Variants in UTP20 observed in about 807,000 individuals in gnomAD.
The protein encoded by UTP20 is small subunit processome component 20 homolog.
A neutral mutation model predicts 329.5 loss-of-function variants in UTP20; 164 were observed. That is an observed-to-expected ratio of 0.50 (90% CI 0.44 to 0.57). The LOEUF (loss-of-function observed/expected upper bound fraction) is 0.57. Ranked by LOEUF, UTP20 falls within the 20% of genes least tolerant of loss-of-function variation. The probability of loss-of-function intolerance (pLI) is 0.00; values close to 1 mark genes in which losing one functional copy is unlikely to be tolerated. For missense variants in UTP20, 3,055 were observed against 3,284.2 expected (o/e 0.93, Z 1.71); for synonymous variants, 1,151 against 1,159.3 (o/e 0.99, Z 0.14).
intron 21 of UTP20, among the ~76,000 whole-genome samples, chr12:101,313,924 G>A (rs1053066406): frequency 6.6e-6 from 1 of 152,192 alleles, no homozygotes; most frequent in African/African-American, 2.4e-5. Flanking sequence ...AAATAACCAA[G>A]TAGAGTTGTC....
intron 2 of UTP20, among the ~76,000 whole-genome samples, chr12:101,283,740 G>A (rs1041898500): frequency 7.2e-5 from 11 of 152,158 alleles, no homozygotes; most frequent in Non-Finnish European, 1.3e-4. Context: ...AATAGAGATA[G>A]GATCTCGTGT....
chr12:101,300,339 C>T (rs1171935397), intron 14 of UTP20, among the ~76,000 whole-genome samples: 4 of 152,186 alleles, frequency 2.6e-5, no homozygotes, highest in Non-Finnish European at 4.4e-5. Context: ...ACCAGGTCCT[C>T]TTTTTCATCT....
Position 101,367,979 on chromosome 12 carries a change from A to C in UTP20, c.6384+3A>C, listed in dbSNP as rs1214345373. On this transcript the variant is annotated splice_donor_region_variant and intron_variant, in intron 48 of 61. Transcript: ENST00000261637. Reference sequence around the variant, plus strand: ...GCCTGGGCTCCATGGATGTGAAGGTAAGCATCGGTTTGCACTCTGCATTGG... The same window carrying C: ...GCCTGGGCTCCATGGATGTGAAGGTCAGCATCGGTTTGCACTCTGCATTGG... The C allele has an allele frequency of 6.3e-7, 1 of 1,599,010 alleles. No homozygotes were observed. Among genetic ancestry groups the C allele is most frequent in the African/African-American group, 1.3e-5 (1 of 74,566 alleles).
intron 47 of UTP20, among the ~76,000 whole-genome samples, chr12:101,367,585 T>C (rs1870138338): frequency 6.6e-6 from 1 of 152,164 alleles, no homozygotes; most frequent in South Asian, 2.1e-4. Context: ...TCCTGGTTAT[T>C]GCCATATCCT....
chr12:101,331,845 TC>T (rs1868771225), intron 27 of UTP20, among the ~76,000 whole-genome samples: 1 of 151,944 alleles, frequency 6.6e-6, no homozygotes, highest in African/African-American at 2.4e-5. Flanking sequence ...AGTTTACTAA[TC>T]AAGTGGGAAA....
intron 43 of UTP20, among the ~76,000 whole-genome samples, chr12:101,358,205 T>C (rs1012838371): frequency 1.3e-5 from 2 of 152,226 alleles, no homozygotes; most frequent in Admixed American, 6.5e-5. Context: ...TTTTAGTAGT[T>C]GCTCTATCGA....
rs575526421 is a variant in UTP20 at position 101,363,069 on chromosome 12, G to C, written c.5791-507G>C. Among the ~76,000 whole-genome samples, 158 of 115,520 alleles carry C rather than the reference G, an allele frequency of 1.4e-3. 54 individuals carry two copies. Among genetic ancestry groups the C allele is most frequent in the African/African-American group, 0.01 (154 of 15,388 alleles). 75.8% of individuals were successfully genotyped at this position (115,520 alleles called of 152,430 possible). A position where few individuals can be genotyped will look rare whatever the true frequency, so the allele number is the denominator to read the frequency against. ...AATTGCTTGAACCCAGGAGCTGGAG[G>C]TTGCAATGAGCTGAGATCATGCCAC... On this transcript the variant is annotated intron_variant, in intron 44 of 61. Transcript: ENST00000261637.
chr12:101,327,829 A>C (rs145638573), intron 26 of UTP20, among the ~76,000 whole-genome samples: 1 of 152,206 alleles, frequency 6.6e-6, no homozygotes, highest in African/African-American at 2.4e-5. Flanking sequence ...AATGACTAAC[A>C]TGTATTGAGT....
In UTP20 at chr12:101,290,751, C is replaced by T. The variant is rs771952656; in HGVS notation, c.754C>T (p.Arg252Ter). 5.0e-6 allele frequency: 8 copies of T among 1,604,174 alleles called. No individual in the cohort carries two copies. Among genetic ancestry groups the T allele is most frequent in the Non-Finnish European group, 6.8e-6 (8 of 1,177,214 alleles). ...CCCACAGGCAGTGAAGCTAATTTTGCGAAAGCTAGGACCAGTCACTGAAAC... is the reference window on the plus strand; with the variant it reads ...CCCACAGGCAGTGAAGCTAATTTTGTGAAAGCTAGGACCAGTCACTGAAAC... ...CTGQAVKLIL[R>*]KLGPVTETET... The change falls in exon 8 of 62, where the codon CGA (arginine) becomes TGA (stop). Residue 252 changes from arginine to a stop codon, truncating the protein, a stop_gained. Transcript: ENST00000261637. LOFTEE classifies it high-confidence loss of function.
Position 101,367,611 on chromosome 12 carries a change from G to T in UTP20, c.6268-249G>T, listed in dbSNP as rs1313096791. Reference sequence around the variant, plus strand: ...GCCATATCCTGCGTACTGAGCCAGTGCCTGGAATCACAGTAGATGCTGAGA... The same window carrying T: ...GCCATATCCTGCGTACTGAGCCAGTTCCTGGAATCACAGTAGATGCTGAGA... On this transcript the variant is annotated intron_variant, in intron 47 of 61. Coordinates refer to ENST00000261637, the MANE Select transcript of UTP20 (RefSeq NM_014503.3). Among the ~76,000 whole-genome samples the T allele has an allele frequency of 5.3e-5, 8 of 152,300 alleles. No homozygotes were observed. In the East Asian group the frequency reaches 1.3e-3, roughly 26 times the overall value.
Position 101,371,523 on chromosome 12 carries a change from C to CT in UTP20, c.6798+381dup, listed in dbSNP as rs58024998. On this transcript the variant is annotated intron_variant, in intron 51 of 61. Coordinates refer to ENST00000261637, the MANE Select transcript of UTP20 (RefSeq NM_014503.3). ...CTTGTTAAAGATTTGGGGCTTTGTT[C>CT]TTTTTTTTTTTTTTTTTTTTTTTTT... Among the ~76,000 whole-genome samples, 643 of 65,358 alleles carry CT rather than the reference C, an allele frequency of 9.8e-3. 34 individuals carry two copies. Among genetic ancestry groups the CT allele is most frequent in the African/African-American group, 0.02 (257 of 12,592 alleles). The allele number at this position is 65,358 out of a possible 152,430, so 42.9% of individuals were successfully genotyped here.
In UTP20 at chr12:101,372,892, G is replaced by A. The variant is rs1870339878; in HGVS notation, c.6807G>A (p.Leu2269=). ...PARVQCRQVF[L]KYILDYPLGD... is the part of the protein sequence containing the mutation. ...GTGACTTTTGTTCCTAGGTTTTTCT[G>A]AAATATATTCTTGACTATCCCCTGG... Residue 2269 remains leucine (L), a synonymous_variant, in exon 52 of 62, where the codon CTG becomes CTA. Transcript: ENST00000261637. The A allele has an allele frequency of 1.2e-6, 2 of 1,613,604 alleles. No homozygotes were observed. Among genetic ancestry groups the A allele is most frequent in the African/African-American group, 2.7e-5 (2 of 74,908 alleles).
rs765840614 is a variant in UTP20, at chr12:101,373,398, T to C, written c.6879-3T>C. The C allele has an allele frequency of 6.2e-6, 10 of 1,613,676 alleles. No individual in the cohort carries two copies. The South Asian group carries it at 1.1e-4, about 18-fold the overall frequency. On this transcript the variant is annotated splice_region_variant and splice_polypyrimidine_tract_variant and intron_variant, in intron 52 of 61. Coordinates refer to ENST00000261637, the MANE Select transcript of UTP20 (RefSeq NM_014503.3). Reference sequence around the variant, plus strand: ...ACAAATCCACCTAATGTCCTTCCCCTAGTTACGAACATGAGACCGGGAGAG... The same window carrying C: ...ACAAATCCACCTAATGTCCTTCCCCCAGTTACGAACATGAGACCGGGAGAG...
chr12:101,312,378 T>G, intron 21 of UTP20, 102 bp downstream of exon 21: 1 of 1,459,538 alleles, frequency 6.9e-7, no homozygotes, highest in Non-Finnish European at 9.2e-7. Flanking sequence ...TTTTTTGCCT[T>G]CTTTCTTTCT....
rs115774658 is a variant in UTP20, at chr12:101,287,196, T to C, written c.515+687T>C. On this transcript the variant is annotated intron_variant, in intron 5 of 61. Transcript: ENST00000261637. ...CACAGTAAATGGTGTATGCATGGTA[T>C]GGGACAATAGACTTTGTTTTATGCC... is the stretch of plus-strand genomic sequence containing the variant. Among the ~76,000 whole-genome samples, 1,208 of 152,320 alleles carry C rather than the reference T, an allele frequency of 7.9e-3. 18 individuals carry two copies. Among genetic ancestry groups the C allele is most frequent in the African/African-American group, 0.027 (1,140 of 41,570 alleles).
intron 31 of UTP20, among the ~76,000 whole-genome samples, chr12:101,339,997 A>G (rs967894089): frequency 6.6e-6 from 1 of 152,206 alleles, no homozygotes; most frequent in African/African-American, 2.4e-5. Context: ...TAGAAGGATG[A>G]TGAGAGGAGA....
At chr12:101,360,345 A>G (rs61944236) in intron 43 of UTP20, among the ~76,000 whole-genome samples, 18,489 of 152,218 alleles carry the variant, frequency 0.12, 1,388 homozygotes, top group Middle Eastern at 0.23. Context: ...GTTCAAAACC[A>G]GCATGATAAC....
intron 32 of UTP20, among the ~76,000 whole-genome samples, chr12:101,341,268 G>A (rs1054377151): frequency 9.2e-5 from 14 of 151,996 alleles, no homozygotes; most frequent in African/African-American, 3.1e-4. Context: ...ATGAGCCACC[G>A]CGCCCGGCCT....
intron 22 of UTP20, among the ~76,000 whole-genome samples, chr12:101,318,022 A>G (rs1193641202): frequency 6.6e-6 from 1 of 152,172 alleles, no homozygotes; most frequent in Non-Finnish European, 1.5e-5. Flanking sequence ...CTAGGGGAAC[A>G]TGTAATGGAA....
Sources: gnomAD v4.1 joint callset for allele counts (sites outside exome capture counted in the v4.1 genomes callset) on GRCh38, gnomAD v4.1.1 for gene constraint, MANE v1.5 for transcripts, NCBI Gene and HGNC (gene_info 2026-07-23, HGNC 2026-07-21) for gene names.